Variants in PFKP observed in about 807,000 individuals in gnomAD.
The protein encoded by PFKP is ATP-dependent 6-phosphofructokinase, platelet type.
Under a neutral mutation model 94.3 loss-of-function variants are expected in PFKP, and 101 were observed. That is an observed-to-expected ratio of 1.07 (90% CI 0.91 to 1.26). PFKP has a LOEUF of 1.26. Ranked by LOEUF, PFKP falls within the 50% of genes most tolerant of loss-of-function variation. The probability of loss-of-function intolerance (pLI) is 0.00; values close to 1 mark genes in which losing one functional copy is unlikely to be tolerated. For synonymous variants in PFKP, 573 were observed against 432.6 expected, an observed-to-expected ratio of 1.32 and a Z score of -4.03; for missense variants, 1,145 against 1,103.3, an observed-to-expected ratio of 1.04 and a Z score of -0.53.
chr10:3,087,575 A>G (rs1457062436), intron 2 of PFKP, among the ~76,000 whole-genome samples: 1 of 152,136 alleles, frequency 6.6e-6, no homozygotes, highest in Non-Finnish European at 1.5e-5. Context: ...TTTTATGATA[A>G]CTTTTATAGT....
chr10:3,126,654 C>G (rs971229245), intron 16 of PFKP, among the ~76,000 whole-genome samples: 2 of 152,262 alleles, frequency 1.3e-5, no homozygotes, highest in African/African-American at 4.8e-5. Flanking sequence ...TGCAGATTCA[C>G]AGAGCAAGGT....
intron 1 of PFKP, among the ~76,000 whole-genome samples, chr10:3,072,984 T>C (rs1350038606): frequency 6.6e-6 from 1 of 151,916 alleles, no homozygotes; most frequent in Non-Finnish European, 1.5e-5. Context: ...TGTGTTTTTG[T>C]TTATTAGAGA....
intron 16 of PFKP, among the ~76,000 whole-genome samples, chr10:3,121,803 CTTT>C (rs759926178): frequency 6.1e-5 from 2 of 32,624 alleles, no homozygotes; most frequent in African/African-American, 1.1e-4. Flanking sequence ...CTTTTTTTTT[CTTT>C]TTTTTTTTTT....
chr10:3,119,685 T>C (rs1389051709), intron 15 of PFKP, among the ~76,000 whole-genome samples: 3 of 152,230 alleles, frequency 2.0e-5, no homozygotes, highest in East Asian at 3.8e-4. Flanking sequence ...TAACCGATCA[T>C]GTCTGTCCTG....
rs756635335 is a variant in PFKP at position 3,125,192 on chromosome 10, T to C, written c.1684-4627T>C. The C allele has an allele frequency of 5.2e-6, 7 of 1,349,378 alleles. 1 individual carries two copies. The highest frequency in any genetic ancestry group is 2.1e-4 in the Middle Eastern group (1 of 4,768). The allele number at this position is 1,349,378 out of a possible 1,614,324, so 83.6% of individuals were successfully genotyped here. On this transcript the variant is annotated intron_variant, in intron 16 of 21. Coordinates refer to ENST00000381125, the MANE Select transcript of PFKP (RefSeq NM_002627.5). ...TGGTGCCGGCCACGATTAGCAACAA[T>C]GTCCCAGGCACAGAAATAAGCCTGG...
At position 3,098,688 on chromosome 10, in the gene PFKP, A is replaced by AAAAAAAAAAG. The variant is rs1313571952; in HGVS notation, c.187-585_187-584insAAAAAAAGAA. Among the ~76,000 whole-genome samples the AAAAAAAAAAG allele has an allele frequency of 5.3e-5, 8 of 151,798 alleles. No homozygotes were observed. In the South Asian group the frequency reaches 6.3e-4, roughly 12 times the overall value. On this transcript the variant is annotated intron_variant, in intron 2 of 21. Coordinates refer to ENST00000381125, the MANE Select transcript of PFKP (RefSeq NM_002627.5). ...ACTCCGTCTCAAAAAAAAAAAAAAA[A>AAAAAAAAAAG]AAGGTAATTGTCCTTGGGCTTCTTC...
chr10:3,122,819 T>C (rs1335391300), intron 16 of PFKP, among the ~76,000 whole-genome samples: 3 of 152,176 alleles, frequency 2.0e-5, no homozygotes, highest in African/African-American at 4.8e-5. Flanking sequence ...CCCCAGGGGA[T>C]GTTTGCAACG....
chr10:3,109,172 T>TC (rs1409789533), intron 9 of PFKP, among the ~76,000 whole-genome samples, 183 bp from the exon 10 acceptor site: 1 of 152,174 alleles, frequency 6.6e-6, no homozygotes. Context: ...CCTGACCTCC[T>TC]CTCTGTTCCC....
Position 3,115,781 on chromosome 10 carries a change from C to G in PFKP, c.1372-995C>G, listed in dbSNP as rs77849815. 2.0e-3 allele frequency among the ~76,000 whole-genome samples: 310 copies of G among 152,226 alleles called. 2 individuals carry two copies. The highest frequency in any genetic ancestry group is 5.8e-3 in the Admixed American group (88 of 15,288). On this transcript the variant is annotated intron_variant, in intron 13 of 21. Coordinates refer to ENST00000381125, the MANE Select transcript of PFKP (RefSeq NM_002627.5). ...AGAGAGAGAAGGTCCAGGACTGATTCCTCAGGGCGCCATTGTTAAGAGTAG... is the reference window on the plus strand; with the variant it reads ...AGAGAGAGAAGGTCCAGGACTGATTGCTCAGGGCGCCATTGTTAAGAGTAG...
Position 3,082,372 on chromosome 10 carries a change from C to T in PFKP, c.113-16C>T, listed in dbSNP as rs769298279. On this transcript the variant is annotated splice_polypyrimidine_tract_variant and intron_variant, in intron 1 of 21. Coordinates refer to ENST00000381125, the MANE Select transcript of PFKP (RefSeq NM_002627.5). ...CCCGGGCTCTTCAGTGACTCTTGCT[C>T]CTGTTTCCACTGCAGGTATGAACGC... 4 of 1,599,638 alleles carry T rather than the reference C, an allele frequency of 2.5e-6. No individual in the cohort carries two copies. Among genetic ancestry groups the T allele is most frequent in the East Asian group, 4.5e-5 (2 of 44,438 alleles).
chr10:3,109,233 C>A, intron 9 of PFKP, 122 bp from the exon 10 acceptor site: 1 of 1,307,470 alleles, frequency 7.6e-7, no homozygotes, highest in Non-Finnish European at 1.1e-6. Context: ...AAGAGTTGGG[C>A]TGGAAGCGGG....
chr10:3,130,651 C>T (rs10903973), intron 17 of PFKP, among the ~76,000 whole-genome samples: 34,760 of 152,138 alleles, frequency 0.23, 4,882 homozygotes, highest in Non-Finnish European at 0.32. Flanking sequence ...CCTCCAACTC[C>T]CAGGTTCAAG....
Position 3,120,084 on chromosome 10 carries a change from C to T in PFKP, c.1683+40C>T, listed in dbSNP as rs371949274. 66 of 1,605,678 alleles carry T rather than the reference C, an allele frequency of 4.1e-5. No individual in the cohort carries two copies. The African/African-American group carries it at 4.1e-4, about 10-fold the overall frequency. ...GCCCTGCCAGGCGGGCGCCGGCTGACGCTAACCCCGGGGCCCCGGCCCTTT... is the reference window on the plus strand; with the variant it reads ...GCCCTGCCAGGCGGGCGCCGGCTGATGCTAACCCCGGGGCCCCGGCCCTTT... On this transcript the variant is annotated intron_variant, in intron 16 of 21. Transcript: ENST00000381125.
In PFKP at chr10:3,128,640, T is replaced by G. The variant is rs142421838; in HGVS notation, c.1684-1179T>G. ...CTTGTACGCCTTGTTCCCTGGCGCC[T>G]CCTCCTTCCATGTGGGTGTGCAGCA... On this transcript the variant is annotated intron_variant, in intron 16 of 21. Transcript: ENST00000381125. Among the ~76,000 whole-genome samples the G allele has an allele frequency of 1.2e-3, 185 of 152,302 alleles. 4 individuals are homozygous for G. In the East Asian group the frequency reaches 0.031, roughly 26 times the overall value.
At chr10:3,106,264 G>GAACCCCTGTCAATC (rs1564308664) in intron 7 of PFKP, among the ~76,000 whole-genome samples, 6 of 104,540 alleles carry the variant, frequency 5.7e-5, no homozygotes, top group African/African-American at 1.9e-4. Flanking sequence ...TTCCCCATGG[G>GAACCCCTGTCAATC]AGGCAGAAAG....
intron 1 of PFKP, among the ~76,000 whole-genome samples, chr10:3,072,609 C>T (rs540176744): frequency 8.6e-5 from 13 of 151,904 alleles, no homozygotes; most frequent in Non-Finnish European, 1.6e-4. Flanking sequence ...GAATGCAGAC[C>T]GTTTTGTGTG....
At chr10:3,074,822 G>T (rs114306790) in intron 1 of PFKP, among the ~76,000 whole-genome samples, 88 of 152,284 alleles carry the variant, frequency 5.8e-4, no homozygotes, top group Admixed American at 5.7e-3. Flanking sequence ...GGAATGTGCC[G>T]AGACCAGCTC....
rs1839387620 is a variant in PFKP at position 3,136,563 on chromosome 10, A to T, written c.2339A>T (p.Gln780Leu). 6.2e-7 allele frequency: 1 copy of T among 1,613,558 alleles called. No homozygotes were observed. The highest frequency in any genetic ancestry group is 8.5e-7 in the Non-Finnish European group (1 of 1,179,716). ...GACTCAGGCCAGCTGGAACATGTGCAGCCCTGGAGTGTCTGACCCAGTCCC... is the reference window on the plus strand; with the variant it reads ...GACTCAGGCCAGCTGGAACATGTGCTGCCCTGGAGTGTCTGACCCAGTCCC... ...VSDSGQLEHV[Q>L]PWSV Residue 780 changes from glutamine to leucine, a missense_variant, in exon 22 of 22, where the codon CAG (glutamine) becomes CTG (leucine). Transcript: ENST00000381125.
At chr10:3,135,378 T>G (rs1839130824) in intron 20 of PFKP, among the ~76,000 whole-genome samples, 1 of 152,254 alleles carries the variant, frequency 6.6e-6, no homozygotes, top group Non-Finnish European at 1.5e-5. Flanking sequence ...GCGATTTTCT[T>G]TTGCTAATTT....
Sources: gnomAD v4.1 joint callset for allele counts (sites outside exome capture counted in the v4.1 genomes callset) on GRCh38, gnomAD v4.1.1 for gene constraint, MANE v1.5 for transcripts, NCBI Gene and HGNC (gene_info 2026-07-23, HGNC 2026-07-21) for gene names.